NELL1: variants seen among roughly 807,000 people sequenced by gnomAD.
The protein encoded by NELL1 is neural EGFL like 1.
A neutral mutation model predicts 107.4 loss-of-function variants in NELL1; 76 were observed. The observed-to-expected ratio is 0.71, with a 90% CI of 0.59 to 0.86. NELL1 has a LOEUF of 0.86. Among genes scored for constraint, NELL1 ranks in the 40% least tolerant of loss-of-function variants. NELL1 has a pLI of 0.00. For synonymous variants in NELL1, 353 were observed against 341.2 expected, an observed-to-expected ratio of 1.03 and a Z score of -0.38; for missense variants, 1,024 against 1,005.5, an observed-to-expected ratio of 1.02 and a Z score of -0.25.
At chr11:21,324,507 C>G (rs115751444) in intron 14 of NELL1, among the ~76,000 whole-genome samples, 42 of 152,182 alleles carry the variant, frequency 2.8e-4, no homozygotes, top group African/African-American at 8.9e-4. Flanking sequence ...GATGCTGATA[C>G]AAATACCTGC....
chr11:20,740,208 G>A lies in NELL1; in HGVS notation c.185-43472G>A, dbSNP rs868668010. On this transcript the variant is annotated intron_variant, in intron 2 of 19. Coordinates refer to ENST00000357134, the MANE Select transcript of NELL1 (RefSeq NM_006157.5). ...GTCCTCATTTTTCAAAGGGTCACTT[G>A]CTTGGAATTGGCAGAACTGGTCCTG... 4.6e-5 allele frequency among the ~76,000 whole-genome samples: 7 copies of A among 152,242 alleles called. No individual in the cohort carries two copies. The South Asian group carries it at 1.0e-3, about 23-fold the overall frequency.
intron 12 of NELL1, among the ~76,000 whole-genome samples, chr11:21,079,292 A>T (rs1693592129): frequency 6.6e-6 from 1 of 152,080 alleles, no homozygotes; most frequent in Non-Finnish European, 1.5e-5. Context: ...ATTGGCAGAA[A>T]CAGACTTGCA....
At chr11:20,838,937 G>T (rs1205137419) in intron 3 of NELL1, among the ~76,000 whole-genome samples, 1 of 152,124 alleles carries the variant, frequency 6.6e-6, no homozygotes, top group Non-Finnish European at 1.5e-5. Context: ...ATGCAGTTGT[G>T]CAATTCCAAG....
chr11:21,539,630 T>C (rs1034182490), intron 16 of NELL1, among the ~76,000 whole-genome samples: 2 of 151,300 alleles, frequency 1.3e-5, no homozygotes, highest in Non-Finnish European at 2.9e-5. Context: ...CTCTAGACAT[T>C]CAGATGCTCC....
At chr11:20,843,766 TTATC>T (rs1444203508) in intron 3 of NELL1, among the ~76,000 whole-genome samples, 6 of 151,534 alleles carry the variant, frequency 4.0e-5, no homozygotes, top group South Asian at 2.1e-4. Flanking sequence ...TGATTGATCT[TTATC>T]TACCTATATT....
intron 12 of NELL1, among the ~76,000 whole-genome samples, chr11:21,007,176 C>T (rs79372716): frequency 2.1e-4 from 32 of 152,238 alleles, no homozygotes; most frequent in Admixed American, 8.5e-4. Flanking sequence ...CAGTCAACTG[C>T]ACCTCACATC....
chr11:20,955,127 A>T (rs1177266462), intron 11 of NELL1, among the ~76,000 whole-genome samples: 1 of 152,210 alleles, frequency 6.6e-6, no homozygotes, highest in African/African-American at 2.4e-5. Flanking sequence ...GTGATGCCTA[A>T]AAGTACCCCT....
At chr11:20,903,507 G>A (rs1331678787) in intron 5 of NELL1, among the ~76,000 whole-genome samples, 1 of 152,038 alleles carries the variant, frequency 6.6e-6, no homozygotes, top group Non-Finnish European at 1.5e-5. Flanking sequence ...TATTGGTTTT[G>A]ATTTATTCAG....
At chr11:21,560,628 T>C (rs1293523909) in intron 17 of NELL1, among the ~76,000 whole-genome samples, 4 of 151,934 alleles carry the variant, frequency 2.6e-5, no homozygotes, top group Non-Finnish European at 5.9e-5. Flanking sequence ...CGAAGCAGGG[T>C]AGAAAAGCCA....
chr11:21,457,143 G>A (rs1853766915), intron 15 of NELL1, among the ~76,000 whole-genome samples: 1 of 152,142 alleles, frequency 6.6e-6, no homozygotes, highest in East Asian at 1.9e-4. Context: ...CAGAAAGAAT[G>A]GCCAGTTCTA....
chr11:21,546,997 G>A (rs1015878372), intron 16 of NELL1, among the ~76,000 whole-genome samples: 1 of 151,880 alleles, frequency 6.6e-6, no homozygotes, highest in Non-Finnish European at 1.5e-5. Flanking sequence ...TAAGTCTTAG[G>A]CATACAGAGA....
intron 12 of NELL1, among the ~76,000 whole-genome samples, chr11:21,014,582 C>T (rs1852522782): frequency 6.6e-6 from 1 of 152,050 alleles, no homozygotes; most frequent in Non-Finnish European, 1.5e-5. Flanking sequence ...CTCCTGGTTT[C>T]AGCACTTATA....
chr11:20,685,325 T>C (rs1854281549), intron 2 of NELL1, among the ~76,000 whole-genome samples: 1 of 152,098 alleles, frequency 6.6e-6, no homozygotes, highest in African/African-American at 2.4e-5. Context: ...TTAAAATTAA[T>C]TAAAATTATG....
chr11:21,199,151 C>T (rs1451911508), intron 13 of NELL1, among the ~76,000 whole-genome samples: 1 of 152,174 alleles, frequency 6.6e-6, no homozygotes, highest in Non-Finnish European at 1.5e-5. Context: ...GTTCTTCTTA[C>T]TACCCCTCTT....
At chr11:21,095,610 C>CT (rs538828608) in intron 12 of NELL1, among the ~76,000 whole-genome samples, 312 of 152,008 alleles carry the variant, frequency 2.1e-3, no homozygotes, top group African/African-American at 7.1e-3. Flanking sequence ...TAAGTCACGT[C>CT]TTTTTTCTTT....
At chr11:21,191,907 T>C (rs1346991140) in intron 13 of NELL1, among the ~76,000 whole-genome samples, 2 of 151,938 alleles carry the variant, frequency 1.3e-5, no homozygotes, top group Non-Finnish European at 2.9e-5. Flanking sequence ...CTTCTTGTTA[T>C]AATTTAGCTT....
At chr11:21,386,664 T>C (rs1851753606) in intron 15 of NELL1, among the ~76,000 whole-genome samples, 1 of 151,916 alleles carries the variant, frequency 6.6e-6, no homozygotes, top group African/African-American at 2.4e-5. Context: ...TTCAGTAAAA[T>C]GATGCTAACA....
chr11:21,138,405 C>T (rs1855791721), intron 13 of NELL1, among the ~76,000 whole-genome samples: 1 of 152,120 alleles, frequency 6.6e-6, no homozygotes, highest in Non-Finnish European at 1.5e-5. Flanking sequence ...GCTTTCTGTG[C>T]CAGGGCACAA....
intron 12 of NELL1, among the ~76,000 whole-genome samples, chr11:21,101,795 T>C (rs951236596): frequency 3.3e-5 from 5 of 152,228 alleles, no homozygotes; most frequent in African/African-American, 1.2e-4. Flanking sequence ...AGGTTGCCTG[T>C]TCACTCTGAT....
Sources: allele counts gnomAD v4.1 joint callset (sites outside exome capture counted in the v4.1 genomes callset), GRCh38; gene constraint gnomAD v4.1.1; transcripts MANE v1.5; gene names NCBI Gene and HGNC (gene_info 2026-07-23, HGNC 2026-07-21).